Variants in CROCC observed in about 807,000 individuals in gnomAD.
CROCC encodes the protein ciliary rootlet coiled-coil, rootletin, also known as rootletin.
CROCC carries 180 observed loss-of-function variants against 245.2 expected under a neutral mutation model. The ratio of observed to expected loss-of-function variants is 0.73; its 90% CI spans 0.65 to 0.83. The LOEUF is 0.83. Among genes scored for constraint, CROCC ranks in the 40% least tolerant of loss-of-function variants. CROCC has a pLI of 0.00. For synonymous variants in CROCC, 1,205 were observed against 1,241.6 expected, an observed-to-expected ratio of 0.97 and a Z score of 0.62; for missense variants, 2,688 against 2,779.4, an observed-to-expected ratio of 0.97 and a Z score of 0.74.
chr1:16,930,150 G>A lies in CROCC; in HGVS notation c.564G>A (p.Ser188=), dbSNP rs149095491. The A allele has an allele frequency of 1.1e-3, 1,690 of 1,594,240 alleles. No individual in the cohort carries two copies. Among genetic ancestry groups the A allele is most frequent in the Non-Finnish European group, 1.3e-3 (1,496 of 1,170,770 alleles). The change falls in exon 5 of 37, where the codon TCG becomes TCA. Residue 188 remains serine (S), a synonymous_variant. Coordinates refer to ENST00000375541, the MANE Select transcript of CROCC (RefSeq NM_014675.5). ...GKILQYKKRC[S]ELEQQLLERS... is the part of the protein sequence containing the mutation. The stretch of plus-strand genomic sequence containing the variant: ...TTCTCCAGTACAAGAAGAGGTGCTC[G>A]GAGCTGGAGCAGCAGCTGCTGGAGA...
rs2075885580 is a variant in CROCC, at chr1:16,939,873, CTG to C, written c.1609-18_1609-17del. The C allele has an allele frequency of 4.3e-6, 7 of 1,610,990 alleles. No individual in the cohort carries two copies. In the East Asian group the frequency reaches 6.7e-5, roughly 15 times the overall value. On this transcript the variant is annotated intron_variant, in intron 12 of 36. Transcript: ENST00000375541. ...GAGGCCTCTCAGGCCCCCCCAGACT[CTG>C]TGACCCCCCACACCCCAGGACATGC...
intron 23 of CROCC, 46 bp from the exon 24 acceptor site, chr1:16,955,266 G>GT (rs1331883957): frequency 1.3e-6 from 2 of 1,582,132 alleles, no homozygotes; most frequent in Non-Finnish European, 1.7e-6. Flanking sequence ...CAGCTTGACG[G>GT]GGGGGTCCCT....
intron 19 of CROCC, 23 bp from the exon 20 acceptor site, chr1:16,950,930 T>C (rs1257742448): frequency 2.0e-6 from 3 of 1,498,610 alleles, no homozygotes; most frequent in Non-Finnish European, 1.8e-6. Flanking sequence ...AACCCTGCCC[T>C]TTCCCCCATT....
At chr1:16,929,228 C>CT (rs753876706) in intron 3 of CROCC, among the ~76,000 whole-genome samples, 2 of 152,384 alleles carry the variant, frequency 1.3e-5, no homozygotes, top group Admixed American at 6.5e-5. Context: ...TCGTGTCCTC[C>CT]GGGAATGTTT....
intron 8 of CROCC, among the ~76,000 whole-genome samples, chr1:16,934,493 G>A (rs879434715): frequency 7.2e-5 from 11 of 152,228 alleles, no homozygotes; most frequent in South Asian, 2.1e-4. Context: ...TTTAGAGACA[G>A]GGTCTTGCCA....
chr1:16,969,868 A>G lies in CROCC; in HGVS notation c.5385A>G (p.Arg1795=). The stretch of plus-strand genomic sequence containing the variant: ...TGGGCGAGCAGGTGCAGACGTTGCG[A>G]GGCGAGGTGGCTGACCTGGAACTGC... ...SSLGEQVQTL[R]GEVADLELQR... is the part of the protein sequence containing the mutation. The change falls in exon 33 of 37, where the codon CGA becomes CGG. Residue 1795 remains arginine, a synonymous_variant. Coordinates refer to ENST00000375541, the MANE Select transcript of CROCC (RefSeq NM_014675.5). The G allele has an allele frequency of 1.2e-6, 2 of 1,611,954 alleles. No individual in the cohort carries two copies. Among genetic ancestry groups the G allele is most frequent in the Non-Finnish European group, 1.7e-6 (2 of 1,179,038 alleles).
chr1:16,936,901 G>C, intron 9 of CROCC, 28 bp downstream of exon 9: 1 of 1,587,558 alleles, frequency 6.3e-7, no homozygotes, highest in Non-Finnish European at 8.6e-7. Flanking sequence ...GCCGCACGAG[G>C]CAGGCGTCCC....
intron 8 of CROCC, among the ~76,000 whole-genome samples, chr1:16,936,103 G>A (rs1262138934): frequency 6.6e-6 from 1 of 152,144 alleles, no homozygotes; most frequent in Non-Finnish European, 1.5e-5. Flanking sequence ...TGGCATCCCA[G>A]TGTAGGGTTT....
Position 16,936,836 on chromosome 1 carries a change from A to C in CROCC, c.1156A>C (p.Met386Leu), listed in dbSNP as rs1182475334. 1.2e-6 allele frequency: 2 copies of C among 1,612,254 alleles called. No homozygotes were observed. The highest frequency in any genetic ancestry group is 1.3e-5 in the African/African-American group (1 of 74,932). Residue 386 changes from methionine (M) to leucine (L), a missense_variant, in exon 9 of 37, where the codon ATG becomes CTG. Physicochemically the swap from Met to Leu is conservative, Grantham distance 15. Transcript: ENST00000375541. ...LREKDLAQQQMQSDLDKADLS... is the reference protein window; with the variant it reads ...LREKDLAQQQLQSDLDKADLS... ...CGAGAAGGACCTGGCGCAGCAGCAG[A>C]TGCAAAGCGACCTGGACAAGGCTGA...
rs761739750 is a variant in CROCC, at chr1:16,946,222, T to C, written c.2137-37T>C. 5.0e-6 allele frequency: 8 copies of C among 1,602,330 alleles called. No individual in the cohort carries two copies. The Admixed American group carries it at 1.4e-4, about 28-fold the overall frequency. ...GGCCTCCTCACCTCCTCCCGACCTT[T>C]CTGCCTTTCCTCATTTCTCGGGGCC... On this transcript the variant is annotated intron_variant, in intron 15 of 36. Transcript: ENST00000375541.
intron 8 of CROCC, among the ~76,000 whole-genome samples, chr1:16,936,089 C>T (rs770435169): frequency 2.0e-5 from 3 of 152,104 alleles, no homozygotes; most frequent in Admixed American, 1.3e-4. Context: ...TGAGAGTGGA[C>T]AAATGGCATC....
chr1:16,946,897 C>T lies in CROCC; in HGVS notation c.2420C>T (p.Ser807Phe). Residue 807 changes from serine (S) to phenylalanine (F), a missense_variant, in exon 17 of 37, where the codon TCC becomes TTC. Transcript: ENST00000375541. ...GTGGCGCGGCAGGGCCTGGAGGGCT[C>T]CCTACGAGTGGCGGAGCAGGCCCAG... Reference protein sequence around the residue: ...QEVARQGLEGSLRVAEQAQEA... With the variant: ...QEVARQGLEGFLRVAEQAQEA... 1.9e-6 allele frequency: 3 copies of T among 1,565,462 alleles called. No individual in the cohort carries two copies. The highest frequency in any genetic ancestry group is 2.6e-6 in the Non-Finnish European group (3 of 1,155,404).
chr1:16,953,532 T>C, intron 21 of CROCC, 51 bp downstream of exon 21: 5 of 1,510,262 alleles, frequency 3.3e-6, no homozygotes, highest in Non-Finnish European at 4.4e-6. Context: ...GCTCCAGTTC[T>C]GGGGCCGGGC....
chr1:16,919,689 C>A (rs112356840), upstream of CROCC, among the ~76,000 whole-genome samples: 10,067 of 149,414 alleles, frequency 0.067, no homozygotes, highest in African/African-American at 0.15. Flanking sequence ...GGAACAGTGG[C>A]CCCCATTGGC....
Position 16,936,729 on chromosome 1 carries a change from A to G in CROCC, c.1049A>G (p.Glu350Gly). 1 of 1,608,508 alleles carries G rather than the reference A, an allele frequency of 6.2e-7. No homozygotes were observed. The highest frequency in any genetic ancestry group is 8.5e-7 in the Non-Finnish European group (1 of 1,178,454). Reference sequence around the variant, plus strand: ...CTGAGCACGGGCCTACGGCTGGCAGAGAGCCGGGCCGAGGCAGCCCTGGAG... The same window carrying G: ...CTGAGCACGGGCCTACGGCTGGCAGGGAGCCGGGCCGAGGCAGCCCTGGAG... Reference protein sequence around the residue: ...LGLSTGLRLAESRAEAALEKQ... With the variant: ...LGLSTGLRLAGSRAEAALEKQ... The change falls in exon 9 of 37, where the codon GAG (glutamate) becomes GGG (glycine). Residue 350 changes from glutamate to glycine, a missense_variant. This residue lies in a region of CROCC where 972 missense variants were observed against 895.3 expected (regional missense o/e 1.09). Transcript: ENST00000375541.
chr1:16,940,132 A>G, intron 13 of CROCC, 39 bp downstream of exon 13: 1 of 1,559,688 alleles, frequency 6.4e-7, no homozygotes, highest in Non-Finnish European at 8.7e-7. Flanking sequence ...CTGAAGAATA[A>G]GTCACCGTCT....
At chr1:16,960,614 C>T (rs891039995) in intron 26 of CROCC, 144 bp from the exon 27 acceptor site, 66 of 1,146,808 alleles carry the variant, frequency 5.8e-5, no homozygotes, top group Middle Eastern at 3.2e-4. Context: ...GTTTTTGCAC[C>T]GCCTGCTTGA....
intron 25 of CROCC, among the ~76,000 whole-genome samples, chr1:16,957,340 A>T (rs1250823587): frequency 6.6e-6 from 1 of 152,170 alleles, no homozygotes; most frequent in African/African-American, 2.4e-5. Context: ...CCAGGAAGTC[A>T]AGGCTGCAGT....
chr1:16,955,773 C>T (rs1049812837), intron 24 of CROCC, among the ~76,000 whole-genome samples: 1 of 152,166 alleles, frequency 6.6e-6, no homozygotes, highest in Admixed American at 6.5e-5. Context: ...ACCCACCCAC[C>T]GTCATCACCC....
Sources: gnomAD v4.1 joint callset for allele counts (sites outside exome capture counted in the v4.1 genomes callset) on GRCh38, gnomAD v4.1.1 for gene constraint, gnomAD v4.1.1 regional missense constraint, MANE v1.5 for transcripts, NCBI Gene and HGNC (gene_info 2026-07-23, HGNC 2026-07-21) for gene names.